The following COL6A6 variants were observed in gnomAD, a reference collection of about 807,000 sequenced individuals.
The protein encoded by COL6A6 is collagen type VI alpha 6 chain.
In COL6A6, 183 loss-of-function variants were observed where a neutral mutation model predicts 208.6. The observed-to-expected ratio is 0.88, with a 90% CI of 0.78 to 0.99. COL6A6 has a LOEUF of 0.99. COL6A6 is among the 50% of genes least tolerant of loss of function. The pLI, the probability that COL6A6 is intolerant of heterozygous loss-of-function variation, is 0.00. For missense variants in COL6A6, 2,816 were observed against 2,815.2 expected (o/e 1.00, Z -0.01); for synonymous variants, 973 against 1,011.8 (o/e 0.96, Z 0.73).
chr3:130,562,175 A>G (rs1468290933), intron 2 of COL6A6, among the ~76,000 whole-genome samples: 1 of 152,240 alleles, frequency 6.6e-6, no homozygotes, highest in Non-Finnish European at 1.5e-5. Flanking sequence ...CCAGCAGACC[A>G]TTACTAAACA....
intron 6 of COL6A6, among the ~76,000 whole-genome samples, chr3:130,570,491 T>C (rs569504367): frequency 6.6e-6 from 1 of 152,230 alleles, no homozygotes; most frequent in East Asian, 1.9e-4. Context: ...TACAGGAAAA[T>C]TTACACAGAA....
intron 1 of COL6A6, among the ~76,000 whole-genome samples, chr3:130,532,041 T>C (rs1040772882): frequency 6.6e-6 from 1 of 152,242 alleles, no homozygotes; most frequent in African/African-American, 2.4e-5. Flanking sequence ...TGGATTTGCA[T>C]ATCATATTTT....
chr3:130,587,406 C>G (rs903210139), intron 11 of COL6A6, among the ~76,000 whole-genome samples: 1 of 152,178 alleles, frequency 6.6e-6, no homozygotes, highest in Non-Finnish European at 1.5e-5. Flanking sequence ...GGATTACCGG[C>G]GCCCGCCACC....
In COL6A6 at chr3:130,571,394, G is replaced by GT; in HGVS notation, c.2977+2dup. 2 of 1,541,806 alleles carry GT rather than the reference G, an allele frequency of 1.3e-6. No individual in the cohort carries two copies. Among genetic ancestry groups the GT allele is most frequent in the Admixed American group, 4.2e-5 (2 of 48,142 alleles). ...AGTGTCTGCAACTCTTCAAAAGTAGGTAAGTTTTGCCAACTAAGTTTTTCC... is the reference window on the plus strand; with the variant it reads ...AGTGTCTGCAACTCTTCAAAAGTAGGTTAAGTTTTGCCAACTAAGTTTTTCC... On this transcript the variant is annotated splice_donor_variant, in intron 7 of 36. Coordinates refer to ENST00000358511, the MANE Select transcript of COL6A6 (RefSeq NM_001102608.3). LOFTEE classifies it high-confidence loss of function.
chr3:130,554,846 T>C (rs1443615222), intron 1 of COL6A6, among the ~76,000 whole-genome samples: 1 of 152,044 alleles, frequency 6.6e-6, no homozygotes, highest in Non-Finnish European at 1.5e-5. Flanking sequence ...CTAGTGTATA[T>C]TGGCAGGGAC....
chr3:130,649,095 A>G lies in COL6A6; in HGVS notation c.5266A>G (p.Thr1756Ala), dbSNP rs376141510. Residue 1756 changes from threonine to alanine, a missense_variant, in exon 33 of 37, where the codon ACC (threonine) becomes GCC (alanine). Coordinates refer to ENST00000358511, the MANE Select transcript of COL6A6 (RefSeq NM_001102608.3). The stretch of plus-strand genomic sequence containing the variant: ...AAAACCGGAATGCCCAGTGCACCCA[A>G]CCGAGTTGGTGTTTGCCCTGGACCA... ...HGKPECPVHPTELVFALDHSR... is the reference protein window; with the variant it reads ...HGKPECPVHPAELVFALDHSR... 18 of 1,573,504 alleles carry G rather than the reference A, an allele frequency of 1.1e-5. No homozygotes were observed. The African/African-American group carries it at 1.8e-4, about 15-fold the overall frequency.
chr3:130,535,380 T>C (rs1280998307), intron 1 of COL6A6, among the ~76,000 whole-genome samples: 1 of 152,204 alleles, frequency 6.6e-6, no homozygotes, highest in East Asian at 1.9e-4. Flanking sequence ...GTGCTCCAGC[T>C]ATTTTATGCT....
intron 36 of COL6A6, among the ~76,000 whole-genome samples, chr3:130,674,150 C>T (rs1340731090): frequency 6.6e-6 from 1 of 152,192 alleles, no homozygotes; most frequent in Non-Finnish European, 1.5e-5. Context: ...CTTTCCACAA[C>T]ATCCCTGTAA....
chr3:130,573,563 CTTTTTTTTT>C (rs55821593), intron 7 of COL6A6, among the ~76,000 whole-genome samples: 2 of 84,538 alleles, frequency 2.4e-5, no homozygotes, highest in East Asian at 3.4e-4. Flanking sequence ...TAGCTGCAAA[CTTTTTTTTT>C]TTTTTTTTTT....
At chr3:130,570,659 A>G (rs982494478) in intron 6 of COL6A6, among the ~76,000 whole-genome samples, 159 bp from the exon 7 acceptor site, 1 of 152,138 alleles carries the variant, frequency 6.6e-6, no homozygotes, top group Non-Finnish European at 1.5e-5. Context: ...TTCCAGCACC[A>G]ATGTATGTGT....
In COL6A6 at chr3:130,598,399, C is replaced by T; in HGVS notation, c.4568C>T (p.Pro1523Leu). The change falls in exon 19 of 37, where the codon CCC becomes CTC. Residue 1523 changes from proline (P) to leucine (L), a missense_variant. Pro to Leu is a moderately conservative substitution (Grantham distance 98, BLOSUM62 -3). Transcript: ENST00000358511. ...GGAGTTGACAGTAGCATAGAAGGAC[C>T]CACAGGCTTGAAAGGAGAACGTGGA... ...APGVDSSIEG[P>L]TGLKGERGRQ... 1.3e-6 allele frequency: 2 copies of T among 1,552,052 alleles called. No homozygotes were observed. Among genetic ancestry groups the T allele is most frequent in the Non-Finnish European group, 1.7e-6 (2 of 1,146,884 alleles).
At chr3:130,586,407 T>C in intron 10 of COL6A6, 99 bp from the exon 11 acceptor site, 1 of 1,057,046 alleles carries the variant, frequency 9.5e-7, no homozygotes. Context: ...ACTGTTCTTC[T>C]TGCAGCTGTT....
At chr3:130,670,041 C>T (rs2066173428) in intron 36 of COL6A6, among the ~76,000 whole-genome samples, 1 of 152,212 alleles carries the variant, frequency 6.6e-6, no homozygotes, top group African/African-American at 2.4e-5. Context: ...AATGCAGTAG[C>T]CCCAGCTCTG....
intron 20 of COL6A6, among the ~76,000 whole-genome samples, chr3:130,604,192 G>C (rs572925696): frequency 2.0e-3 from 297 of 152,208 alleles, no homozygotes; most frequent in South Asian, 5.0e-3. Context: ...TTCATTTGGA[G>C]CTTAAATCCC....
chr3:130,556,315 G>T lies in COL6A6; in HGVS notation c.-31-4019G>T, dbSNP rs376654570. 4.6e-5 allele frequency among the ~76,000 whole-genome samples: 7 copies of T among 151,996 alleles called. No homozygotes were observed. In the East Asian group the frequency reaches 7.7e-4, roughly 17 times the overall value. On this transcript the variant is annotated intron_variant, in intron 1 of 36. Transcript: ENST00000358511. ...GCCTTTAATTTTCCTTTCTCATATTGTCCTTGTTTGATTTATATATCAGGA... is the reference window on the plus strand; with the variant it reads ...GCCTTTAATTTTCCTTTCTCATATTTTCCTTGTTTGATTTATATATCAGGA...
chr3:130,600,543 G>A lies in COL6A6; in HGVS notation c.4653+733G>A, dbSNP rs555461680. On this transcript the variant is annotated intron_variant, in intron 20 of 36. Transcript: ENST00000358511. The stretch of plus-strand genomic sequence containing the variant: ...TGGAATACTATGCAGCCATAAAAAG[G>A]CATGAGATCATGTCCTTTGCAGGGA... Among the ~76,000 whole-genome samples the A allele has an allele frequency of 5.9e-5, 9 of 152,266 alleles. No homozygotes were observed. In the South Asian group the frequency reaches 1.0e-3, roughly 18 times the overall value.
At chr3:130,571,784 C>T (rs1371062230) in intron 7 of COL6A6, among the ~76,000 whole-genome samples, 3 of 151,782 alleles carry the variant, frequency 2.0e-5, no homozygotes, top group Admixed American at 6.6e-5. Context: ...AGGTGATCAT[C>T]CTGCCTCTGC....
At chr3:130,612,315 G>C (rs1338328904) in intron 23 of COL6A6, among the ~76,000 whole-genome samples, 4 of 152,148 alleles carry the variant, frequency 2.6e-5, no homozygotes, top group Admixed American at 2.0e-4. Flanking sequence ...TTGCTGGGTT[G>C]AATGGTGATT....
chr3:130,623,103 G>A (rs1219179783), intron 24 of COL6A6, among the ~76,000 whole-genome samples: 1 of 152,098 alleles, frequency 6.6e-6, no homozygotes, highest in African/African-American at 2.4e-5. Context: ...CTTTTGAATG[G>A]AGTGGATGAA....
Sources: allele counts gnomAD v4.1 joint callset (sites outside exome capture counted in the v4.1 genomes callset), GRCh38; gene constraint gnomAD v4.1.1; transcripts MANE v1.5; gene names NCBI Gene and HGNC (gene_info 2026-07-23, HGNC 2026-07-21).